CDH12: variants seen among roughly 807,000 people sequenced by gnomAD.
CDH12 encodes the protein cadherin-12.
In CDH12, 41 loss-of-function variants were observed where a neutral mutation model predicts 74.1. The observed-to-expected ratio is 0.55, with a 90% CI of 0.43 to 0.72. The LOEUF is 0.72. Among genes scored for constraint, CDH12 ranks in the 30% least tolerant of loss-of-function variants. The pLI, the probability that CDH12 is intolerant of heterozygous loss-of-function variation, is 0.00. For synonymous variants in CDH12, 399 were observed against 355.0 expected, an observed-to-expected ratio of 1.12 and a Z score of -1.39; for missense variants, 945 against 977.2, an observed-to-expected ratio of 0.97 and a Z score of 0.44.
chr5:22,806,396 A>C (rs1276563465), intron 1 of CDH12, among the ~76,000 whole-genome samples: 1 of 135,576 alleles, frequency 7.4e-6, no homozygotes, highest in Non-Finnish European at 1.5e-5. Context: ...TCTGTGGCCC[A>C]GGCTGGAGTG....
At chr5:22,478,129 G>A (rs1471302199) in intron 2 of CDH12, among the ~76,000 whole-genome samples, 2 of 151,886 alleles carry the variant, frequency 1.3e-5, no homozygotes, top group Non-Finnish European at 2.9e-5. Flanking sequence ...TTTGAATATT[G>A]AAAAATAGGC....
intron 4 of CDH12, among the ~76,000 whole-genome samples, chr5:22,205,576 G>A (rs1751176501): frequency 6.6e-6 from 1 of 151,970 alleles, no homozygotes; most frequent in African/African-American, 2.4e-5. Flanking sequence ...AAGAAATATG[G>A]CAGTTGAGAT....
intron 1 of CDH12, among the ~76,000 whole-genome samples, chr5:22,662,608 T>C (rs1328625319): frequency 6.6e-6 from 1 of 152,230 alleles, no homozygotes; most frequent in Non-Finnish European, 1.5e-5. Flanking sequence ...TAACACTTCA[T>C]TTGTATGGCA....
intron 1 of CDH12, among the ~76,000 whole-genome samples, chr5:22,523,934 A>G (rs532004994): frequency 6.6e-6 from 1 of 151,526 alleles, no homozygotes; most frequent in Non-Finnish European, 1.5e-5. Flanking sequence ...AATGTGTTTT[A>G]TTTCCATTAC....
At chr5:22,116,476 G>A (rs1311901085) in intron 4 of CDH12, among the ~76,000 whole-genome samples, 2 of 152,082 alleles carry the variant, frequency 1.3e-5, no homozygotes, top group African/African-American at 2.4e-5. Context: ...GTGGTGGCGC[G>A]TGCCTGTAGT....
chr5:22,515,517 T>A (rs1240369995), intron 1 of CDH12, among the ~76,000 whole-genome samples: 1 of 152,114 alleles, frequency 6.6e-6, no homozygotes, highest in African/African-American at 2.4e-5. Context: ...ATAGTTGACA[T>A]TTTTAATTCT....
In CDH12 at chr5:21,765,051, T is replaced by C; in HGVS notation, c.1442A>G (p.Asp481Gly). 6.2e-7 allele frequency: 1 copy of C among 1,610,196 alleles called. No homozygotes were observed. Among genetic ancestry groups the C allele is most frequent in the Non-Finnish European group, 8.5e-7 (1 of 1,177,306 alleles). Residue 481 changes from aspartate (D) to glycine (G), a missense_variant, in exon 12 of 15, where the codon GAT (aspartate) becomes GGT (glycine). By Grantham distance (94) the Asp-to-Gly change is moderately conservative. Transcript: ENST00000382254. ...SKVNILINVL[D>G]VNEFPPEISV... is the part of the protein sequence containing the mutation. ...TATTTCTGGAGGAAATTCATTTACA[T>C]CTAAGACATTAATCAGTATATTGAC...
At chr5:22,029,759 C>T (rs1738678728) in intron 5 of CDH12, among the ~76,000 whole-genome samples, 1 of 151,840 alleles carries the variant, frequency 6.6e-6, no homozygotes, top group South Asian at 2.1e-4. Flanking sequence ...CATCCCATTA[C>T]TGGGTATATA....
intron 3 of CDH12, among the ~76,000 whole-genome samples, chr5:22,280,565 C>G (rs1399932709): frequency 6.6e-6 from 1 of 152,146 alleles, no homozygotes. Flanking sequence ...CACAGGAATA[C>G]AAACTACCAT....
At chr5:22,618,691 GGGC>G (rs2126836565) in intron 1 of CDH12, among the ~76,000 whole-genome samples, 1 of 152,064 alleles carries the variant, frequency 6.6e-6, no homozygotes, top group South Asian at 2.1e-4. Flanking sequence ...AAAATATCTT[GGGC>G]ATGAAATTCT....
chr5:22,664,595 T>A (rs1273189000), intron 1 of CDH12, among the ~76,000 whole-genome samples: 1 of 152,134 alleles, frequency 6.6e-6, no homozygotes, highest in Non-Finnish European at 1.5e-5. Context: ...CCTAACTATA[T>A]CAAATGTTTA....
At chr5:22,665,033 T>C (rs1031780775) in intron 1 of CDH12, among the ~76,000 whole-genome samples, 1 of 152,170 alleles carries the variant, frequency 6.6e-6, no homozygotes, top group Non-Finnish European at 1.5e-5. Flanking sequence ...TAAATTACTA[T>C]GGTCTCAAAC....
intron 3 of CDH12, among the ~76,000 whole-genome samples, chr5:22,379,476 C>T (rs1347291458): frequency 6.6e-6 from 1 of 152,002 alleles, no homozygotes; most frequent in Non-Finnish European, 1.5e-5. Flanking sequence ...GTTGTTCACA[C>T]GATTAAATGA....
chr5:22,592,500 A>G (rs1295420929), intron 1 of CDH12, among the ~76,000 whole-genome samples: 1 of 152,106 alleles, frequency 6.6e-6, no homozygotes, highest in Non-Finnish European at 1.5e-5. Context: ...TTTCTAAATT[A>G]TGTCTCCTCT....
chr5:22,622,382 A>C (rs1002370375), intron 1 of CDH12, among the ~76,000 whole-genome samples: 2 of 152,082 alleles, frequency 1.3e-5, no homozygotes, highest in Admixed American at 1.3e-4. Context: ...CACTGGACTA[A>C]ATGAGGAGGA....
intron 5 of CDH12, among the ~76,000 whole-genome samples, chr5:22,000,397 G>C (rs1327428978): frequency 1.3e-5 from 2 of 152,148 alleles, no homozygotes; most frequent in African/African-American, 4.8e-5. Flanking sequence ...GTTGGCCTGA[G>C]TGCAAATGAT....
In CDH12 at chr5:21,750,772, TCTA is replaced by T. The variant is rs570151335; in HGVS notation, c.*962_*964del. On this transcript the variant is annotated 3_prime_UTR_variant, in exon 15 of 15. Transcript: ENST00000382254. ...GCTTAAATGAATGGCACTTTTTTCT[TCTA>T]AGAATTTTCATAGAAACACAACTTG... 2 of 152,244 alleles carry T rather than the reference TCTA, an allele frequency of 1.3e-5. No individual in the cohort carries two copies. The highest frequency in any genetic ancestry group is 4.8e-5 in the African/African-American group (2 of 41,578). 9.4% of individuals were successfully genotyped at this position (152,244 alleles called of 1,614,324 possible).
rs141478772 is a variant in CDH12 at position 22,193,078 on chromosome 5, G to A, written c.-187+19420C>T. Among the ~76,000 whole-genome samples, 24 of 152,306 alleles carry A rather than the reference G, an allele frequency of 1.6e-4. No individual in the cohort carries two copies. The East Asian group carries it at 4.6e-3, about 29-fold the overall frequency. On this transcript the variant is annotated intron_variant, in intron 4 of 14. Coordinates refer to ENST00000382254, the MANE Select transcript of CDH12 (RefSeq NM_004061.5). ...ACTCAGGTTACAAACATACATGCTG[G>A]AGAAAACTGCAATTTTAACAAATGT...
In CDH12 at chr5:22,765,656, T is replaced by C. The variant is rs186617964; in HGVS notation, c.-523+87402A>G. Among the ~76,000 whole-genome samples the C allele has an allele frequency of 5.3e-5, 8 of 152,094 alleles. No homozygotes were observed. The East Asian group carries it at 1.4e-3, about 26-fold the overall frequency. ...TCATGATTTTAATGTTTAAAAGCGT[T>C]TTTGTGATATTCCATCGGTAACAGA... On this transcript the variant is annotated intron_variant, in intron 1 of 14. Transcript: ENST00000382254.
Sources: allele counts gnomAD v4.1 joint callset (sites outside exome capture counted in the v4.1 genomes callset), GRCh38; gene constraint gnomAD v4.1.1; transcripts MANE v1.5; gene names NCBI Gene and HGNC (gene_info 2026-07-23, HGNC 2026-07-21).